POC1A: variants seen among roughly 807,000 people sequenced by gnomAD.
The protein encoded by POC1A is POC1 centriolar protein homolog A.
A neutral mutation model predicts 47.8 loss-of-function variants in POC1A; 34 were observed. The observed-to-expected ratio is 0.71, with a 90% CI of 0.54 to 0.95. The LOEUF (loss-of-function observed/expected upper bound fraction) is 0.95, where lower values mean the gene tolerates loss of function less well. POC1A is among the 40% of genes least tolerant of loss of function. The probability of loss-of-function intolerance (pLI) is 0.00; values close to 1 mark genes in which losing one functional copy is unlikely to be tolerated. For synonymous variants in POC1A, 177 were observed against 207.6 expected, an observed-to-expected ratio of 0.85 and a Z score of 1.27; for missense variants, 466 against 528.3, an observed-to-expected ratio of 0.88 and a Z score of 1.16.
At chr3:52,146,225 G>C (rs1190807043) in intron 5 of POC1A, among the ~76,000 whole-genome samples, 1 of 152,266 alleles carries the variant, frequency 6.6e-6, no homozygotes, top group East Asian at 1.9e-4. Context: ...AGTTGAGAGA[G>C]CTATCTTCAA....
At chr3:52,128,165 C>T (rs781040906) in intron 7 of POC1A, among the ~76,000 whole-genome samples, 4 of 152,180 alleles carry the variant, frequency 2.6e-5, no homozygotes, top group African/African-American at 4.8e-5. Flanking sequence ...CCAGAGCTCA[C>T]TGAGTGATGG....
intron 9 of POC1A, among the ~76,000 whole-genome samples, chr3:52,111,652 T>TA (rs59028696): frequency 0.046 from 4,342 of 95,072 alleles, 82 homozygotes; most frequent in African/African-American, 0.076. Flanking sequence ...GTCTCAAAAT[T>TA]AAAAAAAAAA....
At chr3:52,152,183 G>C (rs1698579365) in intron 1 of POC1A, among the ~76,000 whole-genome samples, 2 of 152,190 alleles carry the variant, frequency 1.3e-5, no homozygotes, top group Admixed American at 1.3e-4. Flanking sequence ...GGTGAGGTGG[G>C]AGGACTGCTT....
intron 9 of POC1A, among the ~76,000 whole-genome samples, chr3:52,110,201 G>T (rs1011553962): frequency 6.6e-6 from 1 of 152,154 alleles, no homozygotes. Flanking sequence ...CAAGAGCAAG[G>T]CCCCAGCCCT....
At chr3:52,115,875 C>T (rs769608266) in intron 9 of POC1A, among the ~76,000 whole-genome samples, 4 of 152,110 alleles carry the variant, frequency 2.6e-5, no homozygotes, top group Non-Finnish European at 5.9e-5. Flanking sequence ...AGCAGACTAA[C>T]ACATAATCTA....
chr3:52,124,401 A>G (rs1421677550), intron 8 of POC1A, among the ~76,000 whole-genome samples: 1 of 152,224 alleles, frequency 6.6e-6, no homozygotes, highest in African/African-American at 2.4e-5. Flanking sequence ...GGCACAAGGC[A>G]CCAGGGCTGA....
At chr3:52,081,191 G>A (rs1286863754) in intron 10 of POC1A, among the ~76,000 whole-genome samples, 2 of 152,212 alleles carry the variant, frequency 1.3e-5, no homozygotes, top group Non-Finnish European at 2.9e-5. Context: ...ACGGCCGGCT[G>A]CCCCTTTGTG....
Position 52,110,743 on chromosome 3 carries a change from GC to G in POC1A, c.981+11635del, listed in dbSNP as rs564246919. Among the ~76,000 whole-genome samples, 124 of 152,334 alleles carry G rather than the reference GC, an allele frequency of 8.1e-4. 5 individuals are homozygous for G. The South Asian group carries it at 0.024, about 30-fold the overall frequency. On this transcript the variant is annotated intron_variant, in intron 9 of 10. Transcript: ENST00000296484. ...AGCAAAAGGTCCTTCAAGGCATGCA[GC>G]CTGGCTCTGCCTGGGGCCATGTGTG...
intron 9 of POC1A, among the ~76,000 whole-genome samples, chr3:52,098,052 TCAGA>T (rs528739017): frequency 1.4e-4 from 21 of 152,238 alleles, no homozygotes; most frequent in Non-Finnish European, 3.1e-4. Context: ...GAATGGTGAC[TCAGA>T]CAGTCACTGA....
intron 7 of POC1A, among the ~76,000 whole-genome samples, chr3:52,129,923 G>C (rs1487287624): frequency 6.6e-6 from 1 of 152,192 alleles, no homozygotes; most frequent in Non-Finnish European, 1.5e-5. Flanking sequence ...TATCAACAGA[G>C]AAAGATTTTT....
intron 7 of POC1A, among the ~76,000 whole-genome samples, chr3:52,131,882 C>T (rs1704227745): frequency 6.6e-6 from 1 of 152,172 alleles, no homozygotes; most frequent in Non-Finnish European, 1.5e-5. Flanking sequence ...GCAGAGGCCA[C>T]AGCCCCATGC....
At chr3:52,141,481 G>T (rs1266739928) in intron 6 of POC1A, among the ~76,000 whole-genome samples, 1 of 152,212 alleles carries the variant, frequency 6.6e-6, no homozygotes, top group Non-Finnish European at 1.5e-5. Flanking sequence ...TTGACAAGAG[G>T]CTTTGGATTC....
At position 52,075,815 on chromosome 3, in the gene POC1A, C is replaced by T. The variant is rs1702097175; in HGVS notation, c.*72G>A. 1 of 1,119,946 alleles carries T rather than the reference C, an allele frequency of 8.9e-7. No individual in the cohort carries two copies. The highest frequency in any genetic ancestry group is 1.4e-6 in the Non-Finnish European group (1 of 734,214). The allele number at this position is 1,119,946 out of a possible 1,614,324, so 69.4% of individuals were successfully genotyped here. A position where few individuals can be genotyped will look rare whatever the true frequency, so the allele number is the denominator to read the frequency against. ...ACAGAGTTCAGTCCCCTTTATTTACCCAAGTCCCATGGTACAAATCCCTGG... is the reference window on the plus strand; with the variant it reads ...ACAGAGTTCAGTCCCCTTTATTTACTCAAGTCCCATGGTACAAATCCCTGG... On this transcript the variant is annotated 3_prime_UTR_variant, in exon 11 of 11. Coordinates refer to ENST00000296484, the MANE Select transcript of POC1A (RefSeq NM_015426.5).
intron 1 of POC1A, 156 bp from the exon 2 acceptor site, chr3:52,151,256 G>A (rs1472407402): frequency 9.6e-7 from 1 of 1,045,924 alleles, no homozygotes; most frequent in Non-Finnish European, 1.3e-6. Flanking sequence ...CTTAGGATTA[G>A]TTTTTACTAG....
At chr3:52,107,593 AC>A (rs1395586002) in intron 9 of POC1A, among the ~76,000 whole-genome samples, 3 of 152,196 alleles carry the variant, frequency 2.0e-5, no homozygotes, top group African/African-American at 7.2e-5. Flanking sequence ...TCTTAGGGTT[AC>A]CTACCCAATA....
At chr3:52,149,077 A>C in intron 4 of POC1A, 133 bp downstream of exon 4, 1 of 674,756 alleles carries the variant, frequency 1.5e-6, no homozygotes, top group Non-Finnish European at 2.6e-6. Context: ...ACAGATAAGG[A>C]AACCGAGGCT....
chr3:52,136,953 G>A (rs1704494349), intron 7 of POC1A, among the ~76,000 whole-genome samples: 1 of 152,194 alleles, frequency 6.6e-6, no homozygotes, highest in African/African-American at 2.4e-5. Flanking sequence ...TTTTAGGGGA[G>A]CAGGAGCGGT....
intron 1 of POC1A, among the ~76,000 whole-genome samples, chr3:52,151,598 G>T (rs1344380625): frequency 7.3e-6 from 1 of 137,248 alleles, no homozygotes; most frequent in East Asian, 2.1e-4. Context: ...GTGACAGAGC[G>T]AGACTCCGTC....
At chr3:52,093,508 C>G (rs1443596940) in intron 10 of POC1A, among the ~76,000 whole-genome samples, 1 of 152,220 alleles carries the variant, frequency 6.6e-6, no homozygotes, top group South Asian at 2.1e-4. Flanking sequence ...AGGAGCAGCA[C>G]CCAACACATC....
Sources: gnomAD v4.1 joint callset for allele counts (sites outside exome capture counted in the v4.1 genomes callset) on GRCh38, gnomAD v4.1.1 for gene constraint, MANE v1.5 for transcripts, NCBI Gene and HGNC (gene_info 2026-07-23, HGNC 2026-07-21) for gene names.